IL4I1: variants seen among roughly 807,000 people sequenced by gnomAD.
IL4I1 encodes the protein interleukin 4 induced 1.
In IL4I1, 24 loss-of-function variants were observed where a neutral mutation model predicts 29.7. That is an observed-to-expected ratio of 0.81 (90% CI 0.59 to 1.14). The LOEUF (loss-of-function observed/expected upper bound fraction) is 1.14, where lower values mean the gene tolerates loss of function less well. IL4I1 is among the 50% of genes most tolerant of loss of function. The probability of loss-of-function intolerance (pLI) is 0.00; values close to 1 mark genes in which losing one functional copy is unlikely to be tolerated. For synonymous variants in IL4I1, 371 were observed against 352.5 expected, an observed-to-expected ratio of 1.05 and a Z score of -0.59; for missense variants, 686 against 785.6, an observed-to-expected ratio of 0.87 and a Z score of 1.52.
upstream of IL4I1, among the ~76,000 whole-genome samples, chr19:49,899,845 T>G (rs185786095): frequency 1.6e-4 from 25 of 151,868 alleles, no homozygotes; most frequent in East Asian, 4.5e-3. Context: ...GTGAGCCACC[T>G]CGCCCGGCCA....
In IL4I1 at chr19:49,891,096, G is replaced by T; in HGVS notation, c.648C>A (p.Leu216=). 6.2e-7 allele frequency: 1 copy of T among 1,612,796 alleles called. No individual in the cohort carries two copies. Among genetic ancestry groups the T allele is most frequent in the Non-Finnish European group, 8.5e-7 (1 of 1,179,632 alleles). Residue 216 remains leucine (L), a synonymous_variant, in exon 7 of 8, where the codon CTC becomes CTA. Transcript: ENST00000391826. ...FERHTLLEYL[L]GEGNLSRPAV... is the part of the protein sequence containing the mutation. The stretch of plus-strand genomic sequence containing the variant: ...CCGGCCGGCTCAGGTTCCCCTCCCC[G>T]AGAAGATATTCCTGCAGGTTGGGCA...
At chr19:49,927,842 A>C (rs531186677) in intron 1 of IL4I1, 1 of 152,410 alleles carries the variant, frequency 6.6e-6, no homozygotes, top group African/African-American at 2.4e-5. Flanking sequence ...ACGGACATCC[A>C]CCTCGGCTGG....
intron 2 of IL4I1, chr19:49,918,496 G>A (rs979724219): frequency 2.0e-5 from 3 of 152,214 alleles, no homozygotes; most frequent in Non-Finnish European, 2.9e-5. Flanking sequence ...AGGGAGGAAG[G>A]GACAGGGATA....
chr19:49,895,957 A>G lies in IL4I1; in HGVS notation c.110T>C (p.Met37Thr), dbSNP rs199993915. 6 of 1,614,114 alleles carry G rather than the reference A, an allele frequency of 3.7e-6. No individual in the cohort carries two copies. The African/African-American group carries it at 4.0e-5, about 11-fold the overall frequency. ...ERSQDPFEKC[M>T]QDPDYEQLLK... ...CAGCTGCTCATAGTCAGGATCCTGCATGCATTTCTCGAAGGGGTCTTGGCT... is the reference window on the plus strand; with the variant it reads ...CAGCTGCTCATAGTCAGGATCCTGCGTGCATTTCTCGAAGGGGTCTTGGCT... Residue 37 changes from methionine (M) to threonine (T), a missense_variant, in exon 3 of 8, where the codon ATG (methionine) becomes ACG (threonine). Physicochemically the swap from Met to Thr is moderately conservative, Grantham distance 81 (BLOSUM62 -1). Transcript: ENST00000391826.
intron 2 of IL4I1, among the ~76,000 whole-genome samples, chr19:49,913,808 G>A (rs576984728): frequency 2.1e-4 from 32 of 152,294 alleles, no homozygotes; most frequent in East Asian, 5.8e-4. Flanking sequence ...CGTGACAGGC[G>A]GGAGAATCTG....
At chr19:49,891,693 G>A (rs923155804) in intron 5 of IL4I1, among the ~76,000 whole-genome samples, 1 of 152,196 alleles carries the variant, frequency 6.6e-6, no homozygotes, top group African/African-American at 2.4e-5. Context: ...TGTTAACGCC[G>A]CCCATCCCCC....
chr19:49,909,865 C>CT (rs1378929711), intron 2 of IL4I1: 4 of 1,570,044 alleles, frequency 2.5e-6, no homozygotes, highest in Non-Finnish European at 3.5e-6. Context: ...CCGTCGGTGT[C>CT]TGCAGCCTTG....
chr19:49,890,184 G>A lies in IL4I1; in HGVS notation c.1190C>T (p.Ser397Leu). ...PPREGALLLA[S>L]YTWSDAAAAF... is the part of the protein sequence containing the mutation. ...TGCCGCCGCGTCCGACCACGTGTAC[G>A]AGGCCAGCAGCAGCGCGCCCTCGCG... The change falls in exon 8 of 8, where the codon TCG becomes TTG. Residue 397 changes from serine (S) to leucine (L), a missense_variant. Physicochemically the swap from Ser to Leu is moderately radical, Grantham distance 145 (BLOSUM62 -2). Transcript: ENST00000391826. 2 of 1,542,714 alleles carry A rather than the reference G, an allele frequency of 1.3e-6. No homozygotes were observed. Among genetic ancestry groups the A allele is most frequent in the Non-Finnish European group, 8.8e-7 (1 of 1,142,192 alleles).
chr19:49,889,950 C>A lies in IL4I1; in HGVS notation c.1424G>T (p.Arg475Leu). The A allele has an allele frequency of 1.3e-6, 2 of 1,596,530 alleles. No homozygotes were observed. The highest frequency in any genetic ancestry group is 1.7e-6 in the Non-Finnish European group (2 of 1,171,924). ...EKDDWTVPYG[R>L]IYFAGEHTAY... ...GGTGTGCTCGCCGGCAAAGTAGATG[C>A]GGCCATAAGGGACCGTCCAGTCATC... Residue 475 changes from arginine to leucine, a missense_variant, in exon 8 of 8, where the codon CGC (arginine) becomes CTC (leucine). Physicochemically the swap from Arg to Leu is moderately radical, Grantham distance 102 (BLOSUM62 -2). Transcript: ENST00000391826.
chr19:49,915,578 C>G (rs919703290), intron 2 of IL4I1, among the ~76,000 whole-genome samples: 1 of 152,238 alleles, frequency 6.6e-6, no homozygotes, highest in Non-Finnish European at 1.5e-5. Flanking sequence ...TGACTTGTTA[C>G]AGCAGCCACT....
intron 2 of IL4I1, chr19:49,909,698 G>A (rs748676542): frequency 1.9e-6 from 3 of 1,614,192 alleles, no homozygotes; most frequent in Non-Finnish European, 2.5e-6. Flanking sequence ...TCCAGTGCCA[G>A]AGGTGGAGAA....
At chr19:49,916,622 G>C (rs574277307) in intron 2 of IL4I1, among the ~76,000 whole-genome samples, 2 of 152,200 alleles carry the variant, frequency 1.3e-5, no homozygotes, top group East Asian at 3.9e-4. Context: ...AAATTAGCCA[G>C]GCGTGGTGGT....
intron 2 of IL4I1, chr19:49,917,615 C>G (rs2075657480): frequency 6.6e-6 from 1 of 152,350 alleles, no homozygotes; most frequent in South Asian, 2.1e-4. Context: ...CACCGAGACT[C>G]TGTGTGGGAG....
chr19:49,914,726 G>GTTTT (rs530372497), intron 2 of IL4I1, among the ~76,000 whole-genome samples: 9,724 of 56,096 alleles, frequency 0.17, 3,000 homozygotes, highest in Non-Finnish European at 0.21. Flanking sequence ...CCAAGTCCCA[G>GTTTT]TTTTTTTTTT....
Position 49,891,493 on chromosome 19 carries a change from C to T in IL4I1, c.568-20G>A. On this transcript the variant is annotated intron_variant, in intron 5 of 7. Transcript: ENST00000391826. ...GAGGGCCTGTTGTGGAAGAAGCAGA[C>T]ATGGTGCTGAGCTGCCCGGGCAGCC... 1 of 1,613,218 alleles carries T rather than the reference C, an allele frequency of 6.2e-7. No individual in the cohort carries two copies. Among genetic ancestry groups the T allele is most frequent in the Non-Finnish European group, 8.5e-7 (1 of 1,179,244 alleles).
intron 2 of IL4I1, chr19:49,911,416 G>C (rs2075459508): frequency 6.6e-6 from 1 of 152,212 alleles, no homozygotes; most frequent in Admixed American, 6.5e-5. Context: ...GAGAAGCCAA[G>C]TGCCTGACCC....
chr19:49,916,722 C>G (rs968960958), intron 2 of IL4I1, among the ~76,000 whole-genome samples: 8 of 151,782 alleles, frequency 5.3e-5, no homozygotes, highest in African/African-American at 1.7e-4. Context: ...CGAGATCACA[C>G]CACTGCACTC....
chr19:49,909,556 C>A, intron 2 of IL4I1: 2 of 1,614,128 alleles, frequency 1.2e-6, no homozygotes, highest in Non-Finnish European at 1.7e-6. Flanking sequence ...ATCCAGTTCC[C>A]CCCGAAGCAA....
At position 49,894,351 on chromosome 19, in the gene IL4I1, C is replaced by T; in HGVS notation, c.484G>A (p.Val162Met). The change falls in exon 5 of 8, where the codon GTG (valine) becomes ATG (methionine). Residue 162 changes from valine (V) to methionine (M), a missense_variant. Transcript: ENST00000391826. ...AAGGCGTAGCCCAGCTTCTCGGGCA[C>T]CTTCTCCACCACATAGTTGCGCAGC... ...VKLRNYVVEK[V>M]PEKLGYALRP... The T allele has an allele frequency of 1.9e-6, 3 of 1,614,240 alleles. No homozygotes were observed. Among genetic ancestry groups the T allele is most frequent in the Non-Finnish European group, 2.5e-6 (3 of 1,180,044 alleles).
Sources: gnomAD v4.1 joint callset for allele counts (sites outside exome capture counted in the v4.1 genomes callset) on GRCh38, gnomAD v4.1.1 for gene constraint, MANE v1.5 for transcripts, NCBI Gene and HGNC (gene_info 2026-07-23, HGNC 2026-07-21) for gene names.